Variants in POLR3B observed in about 807,000 individuals in gnomAD.
POLR3B encodes DNA-directed RNA polymerase III subunit RPC2.
POLR3B carries 96 observed loss-of-function variants against 147.4 expected under a neutral mutation model. The observed-to-expected ratio is 0.65, with a 90% CI of 0.55 to 0.77. The LOEUF (loss-of-function observed/expected upper bound fraction) is 0.77. POLR3B is among the 30% of genes least tolerant of loss of function. POLR3B has a pLI of 0.00. For missense variants in POLR3B, 1,036 were observed against 1,413.5 expected, an observed-to-expected ratio of 0.73 and a Z score of 4.28; for synonymous variants, 461 against 485.9, an observed-to-expected ratio of 0.95 and a Z score of 0.67.
At chr12:106,366,824 C>A in intron 4 of POLR3B, 102 bp downstream of exon 4, 1 of 1,000,600 alleles carries the variant, frequency 1.0e-6, no homozygotes, top group Non-Finnish European at 1.6e-6. Context: ...TTGTCTTGGC[C>A]AGGCTCGGTG....
chr12:106,416,946 C>A (rs563547761), intron 12 of POLR3B, among the ~76,000 whole-genome samples: 1 of 152,308 alleles, frequency 6.6e-6, no homozygotes, highest in African/African-American at 2.4e-5. Context: ...CACCCTCTCT[C>A]TAAAGAGGAG....
In POLR3B at chr12:106,496,765, T is replaced by C. The variant is rs898903003; in HGVS notation, c.2831T>C (p.Ile944Thr). Residue 944 changes from isoleucine to threonine, a missense_variant, in exon 25 of 28, where the codon ATT (isoleucine) becomes ACT (threonine). Ile to Thr is a moderately conservative substitution (Grantham distance 89). Transcript: ENST00000228347. ...FPSRMTVGKL[I>T]ELLAGKAGVL... ...CACATCCTGCAGGTGGGGAAGCTCA[T>C]TGAGCTGCTGGCTGGCAAGGCCGGT... 1 of 1,614,120 alleles carries C rather than the reference T, an allele frequency of 6.2e-7. No homozygotes were observed. The highest frequency in any genetic ancestry group is 8.5e-7 in the Non-Finnish European group (1 of 1,180,000).
chr12:106,482,561 A>T (rs766669266), intron 23 of POLR3B, among the ~76,000 whole-genome samples: 1 of 152,108 alleles, frequency 6.6e-6, no homozygotes, highest in Admixed American at 6.5e-5. Context: ...GTGAGAACTC[A>T]CTCACTATCA....
At chr12:106,458,654 C>G (rs1383425951) in intron 21 of POLR3B, among the ~76,000 whole-genome samples, 1 of 152,130 alleles carries the variant, frequency 6.6e-6, no homozygotes, top group East Asian at 1.9e-4. Flanking sequence ...TCCAAAGAGA[C>G]ACAGAGTACG....
chr12:106,483,605 A>G (rs1299599325), intron 23 of POLR3B, among the ~76,000 whole-genome samples: 1 of 152,236 alleles, frequency 6.6e-6, no homozygotes, highest in Non-Finnish European at 1.5e-5. Flanking sequence ...TCCAGTCTAA[A>G]TCCATCTTCT....
At chr12:106,400,946 T>G (rs894722813) in intron 10 of POLR3B, among the ~76,000 whole-genome samples, 45 of 151,950 alleles carry the variant, frequency 3.0e-4, no homozygotes, top group Non-Finnish European at 4.9e-4. Flanking sequence ...ACATTCAAAA[T>G]CTAGCAGAAG....
chr12:106,415,554 C>T (rs899366838), intron 12 of POLR3B, among the ~76,000 whole-genome samples: 2 of 152,108 alleles, frequency 1.3e-5, no homozygotes, highest in Non-Finnish European at 2.9e-5. Flanking sequence ...TTTCTGAGTC[C>T]CCTGGAATTT....
chr12:106,392,287 C>T (rs1039304166), intron 9 of POLR3B, among the ~76,000 whole-genome samples: 6 of 152,140 alleles, frequency 3.9e-5, no homozygotes, highest in African/African-American at 7.2e-5. Flanking sequence ...CTCAGCCTCC[C>T]GAGTAGCTGG....
chr12:106,413,555 G>A (rs2037257890), intron 12 of POLR3B, among the ~76,000 whole-genome samples: 1 of 152,010 alleles, frequency 6.6e-6, no homozygotes, highest in South Asian at 2.1e-4. Context: ...TTCCTTCACA[G>A]GTGTTCTGTC....
chr12:106,378,137 A>C, intron 7 of POLR3B, 130 bp from the exon 8 acceptor site: 1 of 718,908 alleles, frequency 1.4e-6, no homozygotes, highest in Non-Finnish European at 2.6e-6. Flanking sequence ...ACCCCTTTGA[A>C]TCAAGTGTTA....
At chr12:106,508,329 T>A (rs2038721976) in intron 27 of POLR3B, among the ~76,000 whole-genome samples, 1 of 152,232 alleles carries the variant, frequency 6.6e-6, no homozygotes, top group Non-Finnish European at 1.5e-5. Flanking sequence ...TTACACACAC[T>A]GTCTTACTGC....
At chr12:106,418,593 T>C (rs941068551) in intron 12 of POLR3B, among the ~76,000 whole-genome samples, 3 of 152,212 alleles carry the variant, frequency 2.0e-5, no homozygotes, top group Non-Finnish European at 4.4e-5. Context: ...TTATTAATTT[T>C]TTTAGCATTT....
intron 19 of POLR3B, among the ~76,000 whole-genome samples, chr12:106,446,692 C>A (rs1247009235): frequency 1.3e-5 from 2 of 152,104 alleles, no homozygotes; most frequent in African/African-American, 4.8e-5. Flanking sequence ...GGATACAATC[C>A]TCTGACGTTA....
At chr12:106,448,085 G>T (rs920528398) in intron 19 of POLR3B, among the ~76,000 whole-genome samples, 1 of 151,942 alleles carries the variant, frequency 6.6e-6, no homozygotes, top group Non-Finnish European at 1.5e-5. Context: ...TTCTTTGTCC[G>T]TTTAAGGGTA....
At chr12:106,499,136 T>A (rs1485553196) in intron 25 of POLR3B, among the ~76,000 whole-genome samples, 1 of 152,218 alleles carries the variant, frequency 6.6e-6, no homozygotes, top group Non-Finnish European at 1.5e-5. Context: ...ATTTCAGAAA[T>A]GGTTCAATAA....
At chr12:106,377,341 A>C (rs1229697004) in intron 7 of POLR3B, among the ~76,000 whole-genome samples, 2 of 152,188 alleles carry the variant, frequency 1.3e-5, no homozygotes, top group African/African-American at 4.8e-5. Context: ...TTGTTTTAGA[A>C]TCCCAGAAGT....
intron 23 of POLR3B, among the ~76,000 whole-genome samples, chr12:106,480,675 G>A (rs2038254472): frequency 6.6e-6 from 1 of 152,202 alleles, no homozygotes; most frequent in African/African-American, 2.4e-5. Flanking sequence ...GGAATACAGA[G>A]AACTGACAAT....
chr12:106,365,918 C>G, intron 2 of POLR3B, among the ~76,000 whole-genome samples: 1 of 151,900 alleles, frequency 6.6e-6, no homozygotes, highest in East Asian at 1.9e-4. Flanking sequence ...CACATTAGCC[C>G]GGGCCAGAAT....
At chr12:106,428,693 C>A (rs2037468375) in intron 13 of POLR3B, among the ~76,000 whole-genome samples, 1 of 152,140 alleles carries the variant, frequency 6.6e-6, no homozygotes, top group Non-Finnish European at 1.5e-5. Flanking sequence ...TTACTAGATT[C>A]ATTCTGCCTC....
Sources: allele counts gnomAD v4.1 joint callset (sites outside exome capture counted in the v4.1 genomes callset), GRCh38; gene constraint gnomAD v4.1.1; transcripts MANE v1.5; gene names NCBI Gene and HGNC (gene_info 2026-07-23, HGNC 2026-07-21).